DYM: variants seen among roughly 807,000 people sequenced by gnomAD.
The protein encoded by DYM is dyggve-Melchior-Clausen syndrome protein.
DYM carries 78 observed loss-of-function variants against 93.1 expected under a neutral mutation model. That is an observed-to-expected ratio of 0.84 (90% CI 0.70 to 1.01). The LOEUF (loss-of-function observed/expected upper bound fraction) is 1.01, where lower values mean the gene tolerates loss of function less well. Ranked by LOEUF, DYM falls within the 50% of genes least tolerant of loss-of-function variation. The pLI, the probability that DYM is intolerant of heterozygous loss-of-function variation, is 0.00. For missense variants in DYM, 789 were observed against 845.0 expected, an observed-to-expected ratio of 0.93 and a Z score of 0.82; for synonymous variants, 321 against 319.7, an observed-to-expected ratio of 1.00 and a Z score of -0.04.
At chr18:49,302,369 C>T (rs890872972) in intron 8 of DYM, among the ~76,000 whole-genome samples, 3 of 152,006 alleles carry the variant, frequency 2.0e-5, no homozygotes, top group African/African-American at 7.2e-5. Flanking sequence ...TAATATTTTT[C>T]CAATATAAAA....
chr18:49,341,488 T>G (rs2064122672), intron 6 of DYM, among the ~76,000 whole-genome samples: 1 of 37,600 alleles, frequency 2.7e-5, no homozygotes, highest in African/African-American at 1.3e-4. Context: ...TGAGACTCCA[T>G]CGCAAAAAAA....
At chr18:49,219,658 C>T (rs1407136315) in intron 13 of DYM, among the ~76,000 whole-genome samples, 3 of 152,100 alleles carry the variant, frequency 2.0e-5, no homozygotes, top group African/African-American at 7.2e-5. Context: ...ACAAAAACCA[C>T]ATGATTATCT....
intron 13 of DYM, among the ~76,000 whole-genome samples, chr18:49,213,967 A>G (rs570690759): frequency 6.6e-6 from 1 of 152,260 alleles, no homozygotes; most frequent in Non-Finnish European, 1.5e-5. Context: ...CACAGATTCA[A>G]AATCTCAACA....
At chr18:49,332,727 G>T (rs76329685) in intron 7 of DYM, among the ~76,000 whole-genome samples, 14,427 of 152,120 alleles carry the variant, frequency 0.095, 893 homozygotes, top group East Asian at 0.31. Flanking sequence ...GTTTAAATAT[G>T]TGGCACCATA....
At chr18:49,151,994 C>G (rs2085866940) in intron 15 of DYM, among the ~76,000 whole-genome samples, 1 of 152,134 alleles carries the variant, frequency 6.6e-6, no homozygotes, top group African/African-American at 2.4e-5. Flanking sequence ...GGGAAAGAAA[C>G]TGTGATCACT....
chr18:49,374,262 T>C (rs1289278205), intron 5 of DYM, among the ~76,000 whole-genome samples: 1 of 152,168 alleles, frequency 6.6e-6, no homozygotes, highest in Admixed American at 6.6e-5. Flanking sequence ...CACACCAACT[T>C]AGTTAACTTC....
chr18:49,324,424 G>A (rs1307823236), intron 8 of DYM, among the ~76,000 whole-genome samples: 1 of 152,088 alleles, frequency 6.6e-6, no homozygotes, highest in African/African-American at 2.4e-5. Context: ...ATAAGAAATG[G>A]TACCATAGTG....
chr18:49,288,856 C>T (rs2059835032), intron 8 of DYM, among the ~76,000 whole-genome samples: 1 of 151,758 alleles, frequency 6.6e-6, no homozygotes, highest in South Asian at 2.1e-4. Context: ...AGTATAATAA[C>T]CATCAAAATA....
At chr18:49,329,385 G>A (rs577236341) in intron 8 of DYM, among the ~76,000 whole-genome samples, 1 of 152,232 alleles carries the variant, frequency 6.6e-6, no homozygotes, top group African/African-American at 2.4e-5. Context: ...ATATACATAT[G>A]TAACAAACCT....
In DYM at chr18:49,441,472, C is replaced by T. The variant is rs1234299317; in HGVS notation, c.-53-11025G>A. 2.8e-5 allele frequency among the ~76,000 whole-genome samples: 4 copies of T among 144,370 alleles called. No homozygotes were observed. In the East Asian group the frequency reaches 8.1e-4, roughly 29 times the overall value. The allele number at this position is 144,370 out of a possible 152,430, so 94.7% of individuals were successfully genotyped here. On this transcript the variant is annotated intron_variant, in intron 1 of 17. Coordinates refer to ENST00000675505, the MANE Select transcript of DYM (RefSeq NM_001353214.3). ...CAGAGAAATAATGGGCAATAATCACCAGCCAAAGGACAGAGTAAATGCCAC... is the reference window on the plus strand; with the variant it reads ...CAGAGAAATAATGGGCAATAATCACTAGCCAAAGGACAGAGTAAATGCCAC...
intron 1 of DYM, among the ~76,000 whole-genome samples, chr18:49,455,530 T>C (rs552290238): frequency 6.6e-6 from 1 of 152,232 alleles, no homozygotes; most frequent in Non-Finnish European, 1.5e-5. Context: ...AGTCCCATTA[T>C]ACAGATAAGA....
At chr18:49,421,244 T>C (rs544087605) in intron 2 of DYM, among the ~76,000 whole-genome samples, 1 of 152,230 alleles carries the variant, frequency 6.6e-6, no homozygotes, top group East Asian at 1.9e-4. Context: ...GGGAGGCACC[T>C]CCCAGTAGGG....
chr18:49,217,656 G>A (rs2093139927), intron 13 of DYM, among the ~76,000 whole-genome samples: 1 of 152,156 alleles, frequency 6.6e-6, no homozygotes, highest in South Asian at 2.1e-4. Context: ...GCCAAACTAA[G>A]CTTCATAAGT....
intron 2 of DYM, among the ~76,000 whole-genome samples, chr18:49,425,011 G>T (rs55884449): frequency 3.3e-5 from 5 of 151,976 alleles, no homozygotes; most frequent in Admixed American, 3.3e-4. Flanking sequence ...TCAAGCTACC[G>T]ATGACTTTCT....
chr18:49,217,726 G>A (rs1179779067), intron 13 of DYM, among the ~76,000 whole-genome samples: 1 of 152,112 alleles, frequency 6.6e-6, no homozygotes, highest in African/African-American at 2.4e-5. Context: ...TCACCACCAG[G>A]CCTGCCCTAA....
chr18:49,389,375 T>C (rs978767015), intron 3 of DYM, among the ~76,000 whole-genome samples: 1 of 152,116 alleles, frequency 6.6e-6, no homozygotes, highest in Non-Finnish European at 1.5e-5. Context: ...GAATAAGTAG[T>C]AGAAGAAAAA....
chr18:49,194,788 T>C (rs889415085), intron 14 of DYM, among the ~76,000 whole-genome samples: 2 of 152,200 alleles, frequency 1.3e-5, no homozygotes, highest in Non-Finnish European at 2.9e-5. Flanking sequence ...ACAAATTTAT[T>C]TGATTTTCTG....
At chr18:49,207,931 C>G (rs764982784) in intron 14 of DYM, among the ~76,000 whole-genome samples, 1 of 152,000 alleles carries the variant, frequency 6.6e-6, no homozygotes. Flanking sequence ...ACCTGTAATT[C>G]CAACACTTTG....
chr18:49,439,591 C>A (rs750027721), intron 1 of DYM, among the ~76,000 whole-genome samples: 1 of 152,124 alleles, frequency 6.6e-6, no homozygotes, highest in Non-Finnish European at 1.5e-5. Context: ...GCTGAAATAG[C>A]CAAGGTCTCA....
Sources: allele counts gnomAD v4.1 joint callset (sites outside exome capture counted in the v4.1 genomes callset), GRCh38; gene constraint gnomAD v4.1.1; transcripts MANE v1.5; gene names NCBI Gene and HGNC (gene_info 2026-07-23, HGNC 2026-07-21).